Variants in CADPS2 observed in about 807,000 individuals in gnomAD.
The protein encoded by CADPS2 is calcium-dependent secretion activator 2.
In CADPS2, 93 loss-of-function variants were observed where a neutral mutation model predicts 172.5. The ratio of observed to expected loss-of-function variants is 0.54; its 90% CI spans 0.46 to 0.64. The LOEUF is 0.64. Among genes scored for constraint, CADPS2 ranks in the 30% least tolerant of loss-of-function variants. The pLI, the probability that CADPS2 is intolerant of heterozygous loss-of-function variation, is 0.00. For synonymous variants in CADPS2, 546 were observed against 555.2 expected, an observed-to-expected ratio of 0.98 and a Z score of 0.23; for missense variants, 1,420 against 1,565.9, an observed-to-expected ratio of 0.91 and a Z score of 1.57.
At chr7:122,825,256 A>G (rs971485517) in intron 1 of CADPS2, among the ~76,000 whole-genome samples, 2 of 152,196 alleles carry the variant, frequency 1.3e-5, no homozygotes, top group South Asian at 2.1e-4. Context: ...CCCAAAATAC[A>G]CTTTGTAAAA....
intron 1 of CADPS2, among the ~76,000 whole-genome samples, chr7:122,800,646 G>C (rs1797410088): frequency 6.6e-6 from 1 of 152,128 alleles, no homozygotes; most frequent in South Asian, 2.1e-4. Flanking sequence ...TTCAATAATA[G>C]AGCTAGTATA....
intron 1 of CADPS2, among the ~76,000 whole-genome samples, chr7:122,823,637 G>C (rs1804028962): frequency 6.6e-5 from 10 of 152,122 alleles, no homozygotes; most frequent in Admixed American, 5.9e-4. Context: ...CAGTAGCAAG[G>C]CTCTATAATT....
chr7:122,774,411 C>T (rs1011103695), intron 1 of CADPS2, among the ~76,000 whole-genome samples: 3 of 151,854 alleles, frequency 2.0e-5, no homozygotes, highest in East Asian at 1.9e-4. Context: ...AATGGAACAA[C>T]GTGTTAACAC....
rs148750000 is a variant in CADPS2, at chr7:122,473,344, A to C, written c.1998+1037T>G. On this transcript the variant is annotated intron_variant, in intron 13 of 29. Transcript: ENST00000449022. ...TTTTTCCACCACGTGGCTGCGCCAG[A>C]GTCTCCGAGCCTACTCTGGCTTGGG... is the stretch of plus-strand genomic sequence containing the variant. Among the ~76,000 whole-genome samples, 1,430 of 152,236 alleles carry C rather than the reference A, an allele frequency of 9.4e-3. 21 individuals are homozygous for C. The highest frequency in any genetic ancestry group is 0.033 in the African/African-American group (1,355 of 41,548).
chr7:122,666,981 G>A (rs2081257616), intron 2 of CADPS2, among the ~76,000 whole-genome samples: 1 of 152,180 alleles, frequency 6.6e-6, no homozygotes, highest in Admixed American at 6.5e-5. Flanking sequence ...CCCTGGGGGA[G>A]GGGGTGCCTC....
Position 122,774,269 on chromosome 7 carries a change from T to TACAC in CADPS2, c.340-37205_340-37202dup, listed in dbSNP as rs56843003. On this transcript the variant is annotated intron_variant, in intron 1 of 29. Transcript: ENST00000449022. ...ATATATATATAGACATAGATAGATA[T>TACAC]ACACACACACACACACACACACACA... Among the ~76,000 whole-genome samples the TACAC allele has an allele frequency of 5.9e-3, 838 of 143,046 alleles. 4 individuals carry two copies. The highest frequency in any genetic ancestry group is 9.5e-3 in the South Asian group (42 of 4,428). The allele number at this position is 143,046 out of a possible 152,430, so 93.8% of individuals were successfully genotyped here. A position where few individuals can be genotyped will look rare whatever the true frequency, so the allele number is the denominator to read the frequency against.
chr7:122,745,337 C>G (rs2092677319), intron 1 of CADPS2, among the ~76,000 whole-genome samples: 1 of 151,872 alleles, frequency 6.6e-6, no homozygotes, highest in Non-Finnish European at 1.5e-5. Flanking sequence ...AAGGATGAAA[C>G]TAAGCTCAAA....
chr7:122,481,694 T>C (rs2057323668), intron 11 of CADPS2, among the ~76,000 whole-genome samples: 1 of 150,514 alleles, frequency 6.6e-6, no homozygotes, highest in Non-Finnish European at 1.5e-5. Context: ...TAAATTGATA[T>C]CGAATAATAG....
At chr7:122,764,311 A>G (rs888980676) in intron 1 of CADPS2, among the ~76,000 whole-genome samples, 1 of 152,162 alleles carries the variant, frequency 6.6e-6, no homozygotes, top group Non-Finnish European at 1.5e-5. Context: ...TCTACTTGAA[A>G]ATAAGATGTT....
intron 2 of CADPS2, among the ~76,000 whole-genome samples, chr7:122,716,152 T>C (rs1201294979): frequency 6.6e-6 from 1 of 152,140 alleles, no homozygotes; most frequent in Non-Finnish European, 1.5e-5. Flanking sequence ...AATTAAAATA[T>C]TAATTTTTTA....
chr7:122,743,024 C>T (rs908692007), intron 1 of CADPS2, among the ~76,000 whole-genome samples: 50 of 152,150 alleles, frequency 3.3e-4, no homozygotes, highest in African/African-American at 1.2e-3. Flanking sequence ...TGTCTTCAGA[C>T]TACTGTATTT....
At chr7:122,588,683 T>A (rs919907811) in intron 6 of CADPS2, among the ~76,000 whole-genome samples, 3 of 151,902 alleles carry the variant, frequency 2.0e-5, no homozygotes, top group East Asian at 3.9e-4. Context: ...TTTCCAAAAG[T>A]TTCCTGCACT....
At chr7:122,616,692 A>C (rs1204259990) in intron 5 of CADPS2, among the ~76,000 whole-genome samples, 3 of 152,174 alleles carry the variant, frequency 2.0e-5, no homozygotes, top group African/African-American at 7.2e-5. Flanking sequence ...GATAGAGAAA[A>C]GCAGTATCTT....
intron 8 of CADPS2, among the ~76,000 whole-genome samples, chr7:122,528,229 A>G (rs955920021): frequency 1.3e-5 from 2 of 151,990 alleles, no homozygotes; most frequent in Non-Finnish European, 2.9e-5. Flanking sequence ...ATGGTAATAA[A>G]CTTTTCAGCT....
At chr7:122,536,884 G>A (rs969685508) in intron 8 of CADPS2, among the ~76,000 whole-genome samples, 2 of 152,006 alleles carry the variant, frequency 1.3e-5, no homozygotes, top group Admixed American at 1.3e-4. Context: ...ATTGATGATA[G>A]TAATGAAATG....
chr7:122,418,128 C>G (rs1302053966), intron 17 of CADPS2, among the ~76,000 whole-genome samples: 1 of 151,602 alleles, frequency 6.6e-6, no homozygotes, highest in Non-Finnish European at 1.5e-5. Flanking sequence ...CAATATCACA[C>G]CATTGCGCTC....
At chr7:122,721,041 T>G (rs1304049192) in intron 2 of CADPS2, among the ~76,000 whole-genome samples, 1 of 152,032 alleles carries the variant, frequency 6.6e-6, no homozygotes, top group Non-Finnish European at 1.5e-5. Context: ...TGCATAATAT[T>G]TTCATTTTGA....
At chr7:122,424,038 A>C (rs2048854670) in intron 17 of CADPS2, 2 of 152,202 alleles carry the variant, frequency 1.3e-5, no homozygotes, top group African/African-American at 4.8e-5. Flanking sequence ...GCCAGATAGG[A>C]TAGTGTCCAC....
chr7:122,855,779 T>G lies in CADPS2; in HGVS notation c.339+30220A>C, dbSNP rs538714333. Among the ~76,000 whole-genome samples the G allele has an allele frequency of 1.6e-4, 24 of 152,328 alleles. No individual in the cohort carries two copies. In the South Asian group the frequency reaches 5.0e-3, roughly 32 times the overall value. On this transcript the variant is annotated intron_variant, in intron 1 of 29. Transcript: ENST00000449022. ...TTAAATTCTAGGCACTATTTTCCAT[T>G]GCAGAAGTCTCTTCCACAAACATGG...
Sources: gnomAD v4.1 joint callset for allele counts (sites outside exome capture counted in the v4.1 genomes callset) on GRCh38, gnomAD v4.1.1 for gene constraint, MANE v1.5 for transcripts, NCBI Gene and HGNC (gene_info 2026-07-23, HGNC 2026-07-21) for gene names.